The following ACTG2 variants were observed in gnomAD, a reference collection of about 807,000 sequenced individuals.
ACTG2 encodes the protein actin, gamma-enteric smooth muscle.
ACTG2 carries 16 observed loss-of-function variants against 37.6 expected under a neutral mutation model. The observed-to-expected ratio is 0.43, with a 90% CI of 0.29 to 0.65. ACTG2 has a LOEUF of 0.65. Ranked by LOEUF, ACTG2 falls within the 30% of genes least tolerant of loss-of-function variation. The pLI, the probability that ACTG2 is intolerant of heterozygous loss-of-function variation, is 0.18. For synonymous variants in ACTG2, 181 were observed against 179.9 expected, an observed-to-expected ratio of 1.01 and a Z score of -0.05; for missense variants, 238 against 490.9, an observed-to-expected ratio of 0.48 and a Z score of 4.87.
At chr2:73,901,089 G>T (rs2104805400) in intron 1 of ACTG2, among the ~76,000 whole-genome samples, 187 bp from the exon 2 acceptor site, 1 of 152,162 alleles carries the variant, frequency 6.6e-6, no homozygotes, top group African/African-American at 2.4e-5. Flanking sequence ...TTTTTGGGGG[G>T]ACACAATTCA....
chr2:73,916,612 A>C lies in ACTG2; in HGVS notation c.834A>C (p.Thr278=). The change falls in exon 8 of 9, where the codon ACA becomes ACC. Residue 278 remains threonine, a synonymous_variant. Coordinates refer to ENST00000345517, the MANE Select transcript of ACTG2 (RefSeq NM_001615.4). ...IGMESAGIHE[T]TYNSIMKCDI... ...TGGAGTCCGCTGGAATTCATGAGAC[A>C]ACCTACAATTCCATCATGAAGTGTG... 6.2e-7 allele frequency: 1 copy of C among 1,614,044 alleles called. No individual in the cohort carries two copies. The highest frequency in any genetic ancestry group is 8.5e-7 in the Non-Finnish European group (1 of 1,179,978).
At chr2:73,903,808 C>T (rs1178009954) in intron 3 of ACTG2, among the ~76,000 whole-genome samples, 9 of 151,802 alleles carry the variant, frequency 5.9e-5, no homozygotes, top group Non-Finnish European at 7.4e-5. Context: ...GACATGGTGG[C>T]GGGTGCCTGT....
chr2:73,902,261 T>C, intron 2 of ACTG2, 99 bp from the exon 3 acceptor site: 4 of 1,421,764 alleles, frequency 2.8e-6, no homozygotes, highest in Non-Finnish European at 3.8e-6. Flanking sequence ...AAGGCTGTTT[T>C]TCCCATCCTT....
intron 3 of ACTG2, among the ~76,000 whole-genome samples, chr2:73,906,465 A>AAATAAATAAATAAATAAATAAATAAAT (rs1553395537): frequency 4.7e-5 from 7 of 149,742 alleles, no homozygotes; most frequent in African/African-American, 1.7e-4. Context: ...TAAAAAATAA[A>AAATAAATAAATAAATAAATAAATAAAT]AAATAAATAA....
At chr2:73,904,646 A>G (rs1679968950) in intron 3 of ACTG2, among the ~76,000 whole-genome samples, 1 of 131,350 alleles carries the variant, frequency 7.6e-6, no homozygotes. Context: ...CAACAGAGTG[A>G]GACCCTATAT....
chr2:73,903,910 ACT>A (rs1422447384), intron 3 of ACTG2, among the ~76,000 whole-genome samples: 3 of 131,492 alleles, frequency 2.3e-5, no homozygotes, highest in Admixed American at 9.4e-5. Context: ...ACTGCACTCC[ACT>A]GTGGGTGACA....
At chr2:73,916,510 G>C in intron 7 of ACTG2, 74 bp from the exon 8 acceptor site, 3 of 1,366,998 alleles carry the variant, frequency 2.2e-6, no homozygotes, top group Non-Finnish European at 3.0e-6. Flanking sequence ...ATCGAAGAAG[G>C]GTCATTTGAG....
chr2:73,899,149 A>G (rs1679823045), intron 1 of ACTG2, among the ~76,000 whole-genome samples: 1 of 152,042 alleles, frequency 6.6e-6, no homozygotes, highest in Admixed American at 6.5e-5. Context: ...ACCCACATAT[A>G]GGAATTCATA....
intron 3 of ACTG2, among the ~76,000 whole-genome samples, chr2:73,903,939 C>CAAA (rs61362643): frequency 6.1e-4 from 55 of 90,010 alleles, no homozygotes; most frequent in African/African-American, 1.7e-3. Flanking sequence ...GACTCCGTCT[C>CAAA]AAAAAAAAAA....
At chr2:73,913,860 C>T (rs961065191) in intron 6 of ACTG2, among the ~76,000 whole-genome samples, 2 of 152,086 alleles carry the variant, frequency 1.3e-5, no homozygotes, top group African/African-American at 4.8e-5. Flanking sequence ...CCTCTGTCCA[C>T]GTCCACACCA....
chr2:73,901,209 C>A, intron 1 of ACTG2, 67 bp from the exon 2 acceptor site: 1 of 1,317,996 alleles, frequency 7.6e-7, no homozygotes, highest in Non-Finnish European at 1.0e-6. Flanking sequence ...GGCCCCAAAG[C>A]CAAGAAACTG....
chr2:73,919,686 A>G lies in ACTG2; in HGVS notation c.*111A>G. 2.4e-6 allele frequency: 3 copies of G among 1,264,418 alleles called. No individual in the cohort carries two copies. The highest frequency in any genetic ancestry group is 3.3e-6 in the Non-Finnish European group (3 of 917,498). The allele number at this position is 1,264,418 out of a possible 1,614,324, so 78.3% of individuals were successfully genotyped here. ...GTGTGGGGCTCTTTTTTCCTGGGCTATGTCTCATACACAGTGCTAAGGACT... is the reference window on the plus strand; with the variant it reads ...GTGTGGGGCTCTTTTTTCCTGGGCTGTGTCTCATACACAGTGCTAAGGACT... On this transcript the variant is annotated 3_prime_UTR_variant, in exon 9 of 9. Coordinates refer to ENST00000345517, the MANE Select transcript of ACTG2 (RefSeq NM_001615.4).
At chr2:73,900,722 C>T (rs1333958285) in intron 1 of ACTG2, among the ~76,000 whole-genome samples, 2 of 152,184 alleles carry the variant, frequency 1.3e-5, no homozygotes, top group Non-Finnish European at 2.9e-5. Flanking sequence ...AATGCAGCCT[C>T]CTTGTAAAAA....
At chr2:73,901,532 A>ATGTGTGTGTGTGTG (rs58042852) in intron 2 of ACTG2, 95 bp downstream of exon 2, 18 of 1,145,010 alleles carry the variant, frequency 1.6e-5, no homozygotes, top group East Asian at 1.3e-4. Context: ...GGGGAAGGAA[A>ATGTGTGTGTGTGTG]TGTGTGTGTG....
chr2:73,902,516 C>T (rs1394560481), intron 3 of ACTG2, 28 bp downstream of exon 3: 1 of 1,613,502 alleles, frequency 6.2e-7, no homozygotes, highest in Non-Finnish European at 8.5e-7. Context: ...CTTAATGAGC[C>T]TGCTTTAATG....
chr2:73,916,515 T>C (rs1218250166), intron 7 of ACTG2, 69 bp from the exon 8 acceptor site: 22 of 1,417,158 alleles, frequency 1.6e-5, no homozygotes, highest in Non-Finnish European at 2.0e-5. Flanking sequence ...AGAAGGGTCA[T>C]TTGAGGAGCT....
chr2:73,906,772 T>G (rs1001321013), intron 3 of ACTG2, among the ~76,000 whole-genome samples: 2 of 152,162 alleles, frequency 1.3e-5, no homozygotes, highest in Admixed American at 6.5e-5. Context: ...GTCACCACAC[T>G]CGACCTTAAA....
intron 8 of ACTG2, among the ~76,000 whole-genome samples, chr2:73,917,350 G>A: frequency 6.6e-6 from 1 of 152,112 alleles, no homozygotes; most frequent in East Asian, 1.9e-4. Context: ...TGGTCATAGG[G>A]CCAGCTCTGC....
chr2:73,906,773 C>T (rs1034505615), intron 3 of ACTG2, among the ~76,000 whole-genome samples: 6 of 152,126 alleles, frequency 3.9e-5, no homozygotes, highest in African/African-American at 1.4e-4. Flanking sequence ...TCACCACACT[C>T]GACCTTAAAA....
Sources: allele counts gnomAD v4.1 joint callset (sites outside exome capture counted in the v4.1 genomes callset), GRCh38; gene constraint gnomAD v4.1.1; transcripts MANE v1.5; gene names NCBI Gene and HGNC (gene_info 2026-07-23, HGNC 2026-07-21).